Variants in DPYSL2 observed in about 807,000 individuals in gnomAD.
DPYSL2 encodes dihydropyrimidinase-related protein 2.
Under a neutral mutation model 69.9 loss-of-function variants are expected in DPYSL2, and 13 were observed. The observed-to-expected ratio is 0.19, with a 90% CI of 0.12 to 0.30. The LOEUF (loss-of-function observed/expected upper bound fraction) is 0.30, where lower values mean the gene tolerates loss of function less well. DPYSL2 is among the 10% of genes least tolerant of loss of function. The pLI, the probability that DPYSL2 is intolerant of heterozygous loss-of-function variation, is 1.00. For missense variants in DPYSL2, 587 were observed against 918.9 expected (o/e 0.64, Z 4.67); for synonymous variants, 326 against 359.1 (o/e 0.91, Z 1.04).
chr8:26,643,641 A>G lies in DPYSL2; in HGVS notation c.1283+46A>G. 6.2e-7 allele frequency: 1 copy of G among 1,613,798 alleles called. No homozygotes were observed. The highest frequency in any genetic ancestry group is 2.2e-5 in the East Asian group (1 of 44,888). On this transcript the variant is annotated intron_variant, in intron 9 of 13. Coordinates refer to ENST00000521913, the MANE Select transcript of DPYSL2 (RefSeq NM_001197293.3). The surrounding 1 kb of genome is among the most constrained non-coding windows in gnomAD (Gnocchi z 6.5). ...CACACTTCACATTCTGTCTTTCTTC[A>G]GACCAGACTGACCTGTTAGGCGAAA...
chr8:26,527,719 A>C (rs1487069888), intron 1 of DPYSL2, among the ~76,000 whole-genome samples: 1 of 152,186 alleles, frequency 6.6e-6, no homozygotes, highest in Non-Finnish European at 1.5e-5. Flanking sequence ...CTGAAATCAT[A>C]AAGGGAAATT....
intron 1 of DPYSL2, among the ~76,000 whole-genome samples, chr8:26,525,790 A>T (rs1298635666): frequency 1.3e-5 from 2 of 152,096 alleles, no homozygotes; most frequent in Non-Finnish European, 2.9e-5. Flanking sequence ...TAATATCTTT[A>T]GTTTTCGTTT....
intron 1 of DPYSL2, among the ~76,000 whole-genome samples, chr8:26,527,589 T>A (rs1335472352): frequency 6.6e-6 from 1 of 152,078 alleles, no homozygotes; most frequent in African/African-American, 2.4e-5. Flanking sequence ...CTGGTTTGGG[T>A]TTTTACACGC....
At position 26,587,948 on chromosome 8, in the gene DPYSL2, T is replaced by C. The variant is rs1323613774; in HGVS notation, c.628+3965T>C. Among the ~76,000 whole-genome samples the C allele has an allele frequency of 6.6e-6, 1 of 152,180 alleles. No individual in the cohort carries two copies. The highest frequency in any genetic ancestry group is 1.5e-5 in the Non-Finnish European group (1 of 68,028). ...TGCCAACACTTACCCTGTGCGTCGG[T>C]GCAGGTGGCCAGGTGTGGAACATAC... On this transcript the variant is annotated intron_variant, in intron 3 of 13. Transcript: ENST00000521913. The surrounding 1 kb of genome is among the most constrained non-coding windows in gnomAD (Gnocchi z 4.2).
At chr8:26,572,961 G>A (rs545774299) in intron 1 of DPYSL2, among the ~76,000 whole-genome samples, 1 of 152,304 alleles carries the variant, frequency 6.6e-6, no homozygotes, top group South Asian at 2.1e-4. Flanking sequence ...AAGAATAATG[G>A]GAGGATGGAG....
intron 7 of DPYSL2, among the ~76,000 whole-genome samples, chr8:26,629,097 G>C (rs1802680070): frequency 6.6e-6 from 1 of 152,140 alleles, no homozygotes; most frequent in Non-Finnish European, 1.5e-5. Flanking sequence ...ACGAGAGTGG[G>C]AGCCACTCGG....
chr8:26,652,974 C>G lies in DPYSL2; in HGVS notation c.1777-258C>G, dbSNP rs1803308884. ...TCACAGCATGCTTAGGGGATTCTTA[C>G]AGGGTTTAAAGTTGAAGTGTCTTGG... On this transcript the variant is annotated intron_variant, in intron 12 of 13. Transcript: ENST00000521913. This position sits in a 1 kb window ranked among gnomAD's most constrained non-coding sequence, Gnocchi z 6.3. 6.6e-6 allele frequency among the ~76,000 whole-genome samples: 1 copy of G among 152,142 alleles called. No homozygotes were observed. Among genetic ancestry groups the G allele is most frequent in the African/African-American group, 2.4e-5 (1 of 41,412 alleles).
Position 26,533,714 on chromosome 8 carries a change from G to T in DPYSL2, c.354+19035G>T, listed in dbSNP as rs1263098199. On this transcript the variant is annotated intron_variant, in intron 1 of 13. Coordinates refer to ENST00000521913, the MANE Select transcript of DPYSL2 (RefSeq NM_001197293.3). The surrounding 1 kb of genome is among the most constrained non-coding windows in gnomAD (Gnocchi z 4.8). ...GTGCCAAAAAGGCTGCATCGGGAGT[G>T]AAGTCAATGACCACAGCTGTCAAAT... Among the ~76,000 whole-genome samples, 2 of 152,222 alleles carry T rather than the reference G, an allele frequency of 1.3e-5. No homozygotes were observed. Among genetic ancestry groups the T allele is most frequent in the Non-Finnish European group, 1.5e-5 (1 of 68,038 alleles).
At chr8:26,519,072 C>A (rs977227704) in intron 1 of DPYSL2, among the ~76,000 whole-genome samples, 2 of 152,178 alleles carry the variant, frequency 1.3e-5, no homozygotes, top group South Asian at 2.1e-4. Context: ...TGGCCATGAC[C>A]TTTGCATATT....
chr8:26,581,223 A>G (rs901894274), intron 1 of DPYSL2, among the ~76,000 whole-genome samples: 1 of 152,168 alleles, frequency 6.6e-6, no homozygotes, highest in Non-Finnish European at 1.5e-5. Context: ...TTTGTGTGGT[A>G]TATCCCGTGA....
chr8:26,627,166 A>G lies in DPYSL2; in HGVS notation c.856-49A>G. 7 of 1,549,686 alleles carry G rather than the reference A, an allele frequency of 4.5e-6. No homozygotes were observed. The highest frequency in any genetic ancestry group is 1.1e-5 in the South Asian group (1 of 89,322). On this transcript the variant is annotated intron_variant, in intron 5 of 13. Transcript: ENST00000521913. This position sits in a 1 kb window ranked among gnomAD's most constrained non-coding sequence, Gnocchi z 6.9. The stretch of plus-strand genomic sequence containing the variant: ...TGGGGAGATGATTGTCTTTGTGAAC[A>G]GGAAGATGGAAGTCCCTGTCTCTGA...
intron 1 of DPYSL2, among the ~76,000 whole-genome samples, chr8:26,515,898 TG>T (rs1808279136): frequency 6.6e-6 from 1 of 152,214 alleles, no homozygotes; most frequent in Non-Finnish European, 1.5e-5. Context: ...CCAGAGTAGT[TG>T]GGAGTGGTCT....
rs944072209 is a variant in DPYSL2, at chr8:26,640,627, G to A, written c.1127-2812G>A. 3.5e-4 allele frequency among the ~76,000 whole-genome samples: 53 copies of A among 152,162 alleles called. No individual in the cohort carries two copies. The highest frequency in any genetic ancestry group is 1.1e-3 in the African/African-American group (46 of 41,418). On this transcript the variant is annotated intron_variant, in intron 8 of 13. Transcript: ENST00000521913. This position sits in a 1 kb window ranked among gnomAD's most constrained non-coding sequence, Gnocchi z 4.2. ...GACTCTATGTATAGATCATACTCTT[G>A]TGGAGGTAGAGGCCTGGAACATGAT...
rs1803092378 is a variant in DPYSL2 at position 26,643,263 on chromosome 8, A to C, written c.1127-176A>C. On this transcript the variant is annotated intron_variant, in intron 8 of 13. Transcript: ENST00000521913. This position sits in a 1 kb window ranked among gnomAD's most constrained non-coding sequence, Gnocchi z 6.5. ...CTTGGGGAGCTCATGACAGGCTGGC[A>C]GAGGTACTGAATTTCTCCAAGTCTC... 3 of 598,094 alleles carry C rather than the reference A, an allele frequency of 5.0e-6. No individual in the cohort carries two copies. Among genetic ancestry groups the C allele is most frequent in the Non-Finnish European group, 8.2e-6 (3 of 365,796 alleles). 37.0% of individuals were successfully genotyped at this position (598,094 alleles called of 1,614,324 possible).
rs1009264660 is a variant in DPYSL2, at chr8:26,588,179, T to A, written c.628+4196T>A. 3.3e-5 allele frequency among the ~76,000 whole-genome samples: 5 copies of A among 152,198 alleles called. No homozygotes were observed. Among genetic ancestry groups the A allele is most frequent in the African/African-American group, 1.2e-4 (5 of 41,458 alleles). On this transcript the variant is annotated intron_variant, in intron 3 of 13. Transcript: ENST00000521913. The surrounding 1 kb of genome is among the most constrained non-coding windows in gnomAD (Gnocchi z 5.4). ...TGACACCCTCCCATCTCTTGTACAC[T>A]GAGCTCTACTCTCCCCCGCATGGCC... is the stretch of plus-strand genomic sequence containing the variant.
rs116685428 is a variant in DPYSL2 at position 26,644,761 on chromosome 8, T to C, written c.1425+670T>C. Among the ~76,000 whole-genome samples the C allele has an allele frequency of 4.3e-3, 649 of 152,262 alleles. 6 individuals carry two copies. The highest frequency in any genetic ancestry group is 0.015 in the African/African-American group (629 of 41,536). On this transcript the variant is annotated intron_variant, in intron 10 of 13. Transcript: ENST00000521913. This position sits in a 1 kb window ranked among gnomAD's most constrained non-coding sequence, Gnocchi z 4.5. ...CGTCTACTCTTGGAAATGGGCTCAA[T>C]TTCCTTAAAAGTGTCTTTTAGGGCT...
In DPYSL2 at chr8:26,514,259, C is replaced by A; in HGVS notation, c.-67C>A. The stretch of plus-strand genomic sequence containing the variant: ...GCAGCTAGGGGGCTTGTGCACACAG[C>A]GAGGGAGACTTAGGGACTGGCAGAC... On this transcript the variant is annotated 5_prime_UTR_variant, in exon 1 of 14. Coordinates refer to ENST00000521913, the MANE Select transcript of DPYSL2 (RefSeq NM_001197293.3). The surrounding 1 kb of genome is among the most constrained non-coding windows in gnomAD (Gnocchi z 8.4). 2 of 1,342,092 alleles carry A rather than the reference C, an allele frequency of 1.5e-6. No homozygotes were observed. Among genetic ancestry groups the A allele is most frequent in the African/African-American group, 1.5e-5 (1 of 65,742 alleles). The allele number at this position is 1,342,092 out of a possible 1,614,324, so 83.1% of individuals were successfully genotyped here.
At chr8:26,550,439 A>G (rs771943048) in intron 1 of DPYSL2, among the ~76,000 whole-genome samples, 4 of 152,228 alleles carry the variant, frequency 2.6e-5, no homozygotes, top group Admixed American at 1.3e-4. Context: ...TATTAATCCA[A>G]CTATCAATAA....
rs529156458 is a variant in DPYSL2 at position 26,648,426 on chromosome 8, G to A, written c.1596+626G>A. On this transcript the variant is annotated intron_variant, in intron 11 of 13. Coordinates refer to ENST00000521913, the MANE Select transcript of DPYSL2 (RefSeq NM_001197293.3). This position sits in a 1 kb window ranked among gnomAD's most constrained non-coding sequence, Gnocchi z 4.3. ...TCCTCTCTTGTTAACAGGACCCAGG[G>A]CAAGTCTGTTAATGTCTTACGCTCC... Among the ~76,000 whole-genome samples, 5 of 152,288 alleles carry A rather than the reference G, an allele frequency of 3.3e-5. No homozygotes were observed. In the East Asian group the frequency reaches 9.6e-4, roughly 29 times the overall value.
Sources: allele counts gnomAD v4.1 joint callset (sites outside exome capture counted in the v4.1 genomes callset), GRCh38; gene constraint gnomAD v4.1.1; non-coding constraint Gnocchi (gnomAD v3.1); transcripts MANE v1.5; gene names NCBI Gene and HGNC (gene_info 2026-07-23, HGNC 2026-07-21).